ARHGAP19: variants seen among roughly 807,000 people sequenced by gnomAD.
ARHGAP19 encodes Rho GTPase activating protein 19, also known as rho GTPase-activating protein 19.
Under a neutral mutation model 60.9 loss-of-function variants are expected in ARHGAP19, and 48 were observed. That is an observed-to-expected ratio of 0.79 (90% CI 0.62 to 1.00). The LOEUF is 1.00. Ranked by LOEUF, ARHGAP19 falls within the 50% of genes least tolerant of loss-of-function variation. The pLI, the probability that ARHGAP19 is intolerant of heterozygous loss-of-function variation, is 0.00. For synonymous variants in ARHGAP19, 209 were observed against 215.5 expected (o/e 0.97, Z 0.27); for missense variants, 562 against 597.2 (o/e 0.94, Z 0.61).
rs1850879234 is a variant in ARHGAP19 at position 97,225,504 on chromosome 10, G to T, written c.*618C>A. Reference sequence around the variant, plus strand: ...TCACACCCAAGAAATAATAAAAAATGTCCAGAAAAGCTATAAATTCTTTGG... The same window carrying T: ...TCACACCCAAGAAATAATAAAAAATTTCCAGAAAAGCTATAAATTCTTTGG... On this transcript the variant is annotated 3_prime_UTR_variant, in exon 12 of 12. Transcript: ENST00000358531. The T allele has an allele frequency of 6.6e-6, 1 of 152,160 alleles. No individual in the cohort carries two copies. The highest frequency in any genetic ancestry group is 2.4e-5 in the African/African-American group (1 of 41,422). The allele number at this position is 152,160 out of a possible 1,614,324, so 9.4% of individuals were successfully genotyped here.
chr10:97,285,251 G>A (rs1206253041), intron 1 of ARHGAP19, among the ~76,000 whole-genome samples: 5 of 152,092 alleles, frequency 3.3e-5, no homozygotes. Context: ...CAATGCGAAT[G>A]TAGTTAACAT....
chr10:97,259,524 G>A lies in ARHGAP19; in HGVS notation c.718C>T (p.Arg240Cys), dbSNP rs765065175. The A allele has an allele frequency of 1.3e-5, 21 of 1,614,000 alleles. No individual in the cohort carries two copies. Among genetic ancestry groups the A allele is most frequent in the Non-Finnish European group, 1.5e-5 (18 of 1,180,010 alleles). Reference protein sequence around the residue: ...LLFLILPPPNRNLLKLLLDLL... With the variant: ...LLFLILPPPNCNLLKLLLDLL... ...TCAAGCAATAACTTCAGCAAATTACGATTAGGAGGAGGGAGAATGAGGAAG... is the reference window on the plus strand; with the variant it reads ...TCAAGCAATAACTTCAGCAAATTACAATTAGGAGGAGGGAGAATGAGGAAG... The change falls in exon 5 of 12, where the codon CGT (arginine) becomes TGT (cysteine). Residue 240 changes from arginine to cysteine, a missense_variant. Transcript: ENST00000358531.
intron 9 of ARHGAP19, among the ~76,000 whole-genome samples, chr10:97,230,242 T>C (rs528662188): frequency 8.5e-5 from 13 of 152,334 alleles, no homozygotes; most frequent in Admixed American, 8.5e-4. Context: ...CCCAAAGATG[T>C]GCTGTCTCTG....
At chr10:97,291,574 G>C (rs137858075) in intron 1 of ARHGAP19, among the ~76,000 whole-genome samples, 1 of 152,102 alleles carries the variant, frequency 6.6e-6, no homozygotes, top group Admixed American at 6.6e-5. Context: ...GATTACAGGC[G>C]TAAGCCACCA....
At chr10:97,230,342 T>C (rs1176850753) in intron 9 of ARHGAP19, among the ~76,000 whole-genome samples, 1 of 152,180 alleles carries the variant, frequency 6.6e-6, no homozygotes, top group Non-Finnish European at 1.5e-5. Context: ...TCCCTGTCAT[T>C]TACTCACACA....
chr10:97,246,556 T>C (rs1479989621), intron 6 of ARHGAP19, among the ~76,000 whole-genome samples: 6 of 152,158 alleles, frequency 3.9e-5, no homozygotes, highest in Admixed American at 2.0e-4. Flanking sequence ...AAGACACCAA[T>C]GTAGTTGTTG....
At chr10:97,285,518 G>GT (rs1564730133) in intron 1 of ARHGAP19, among the ~76,000 whole-genome samples, 4 of 124,700 alleles carry the variant, frequency 3.2e-5, no homozygotes, top group East Asian at 2.4e-4. Context: ...TTTTTTTTTT[G>GT]CTTTTTTTTT....
chr10:97,291,516 A>T lies in ARHGAP19; in HGVS notation c.56+1056T>A, dbSNP rs150724796. ...ATCATGTTCGCCAGGCTGGTCTCGA[A>T]CTCCTGATCTCAGGTGATCCGCTCC... is the stretch of plus-strand genomic sequence containing the variant. On this transcript the variant is annotated intron_variant, in intron 1 of 11. Transcript: ENST00000358531. 1.3e-3 allele frequency among the ~76,000 whole-genome samples: 204 copies of T among 151,838 alleles called. 1 individual carries two copies. The highest frequency in any genetic ancestry group is 4.7e-3 in the African/African-American group (196 of 41,410).
At position 97,238,519 on chromosome 10, in the gene ARHGAP19, G is replaced by A. The variant is rs1842418884; in HGVS notation, c.1186-3204C>T. On this transcript the variant is annotated intron_variant, in intron 8 of 11. Transcript: ENST00000358531. ...AGGAGTGAGCTACCACGCCCAGCCT[G>A]TGTCTTAATTTTTAATTAAAAAGTA... is the stretch of plus-strand genomic sequence containing the variant. Among the ~76,000 whole-genome samples the A allele has an allele frequency of 2.0e-5, 3 of 152,110 alleles. 1 individual carries two copies. Among genetic ancestry groups the A allele is most frequent in the South Asian group, 4.1e-4 (2 of 4,822 alleles).
chr10:97,225,790 AT>A lies in ARHGAP19; in HGVS notation c.*331del, dbSNP rs35858317. 19 of 258,994 alleles carry A rather than the reference AT, an allele frequency of 7.3e-5. No individual in the cohort carries two copies. Among genetic ancestry groups the A allele is most frequent in the Non-Finnish European group, 1.0e-4 (14 of 137,854 alleles). 16.0% of individuals were successfully genotyped at this position (258,994 alleles called of 1,614,324 possible). On this transcript the variant is annotated 3_prime_UTR_variant, in exon 12 of 12. Coordinates refer to ENST00000358531, the MANE Select transcript of ARHGAP19 (RefSeq NM_032900.6). ...ACTGGCAGTTGAGCACACATTTCAT[AT>A]TTTTTTTCAAAAGTGGAATCTGCCT...
At chr10:97,239,551 G>GTGTGTGTGTGTGT (rs1842440252) in intron 8 of ARHGAP19, among the ~76,000 whole-genome samples, 2 of 20,292 alleles carry the variant, frequency 9.9e-5, no homozygotes, top group African/African-American at 1.4e-4. Flanking sequence ...AGAGAGAGAG[G>GTGTGTGTGTGTGT]GTGTGTGTGT....
At chr10:97,257,356 T>C (rs1185571488) in intron 5 of ARHGAP19, among the ~76,000 whole-genome samples, 6 of 144,820 alleles carry the variant, frequency 4.1e-5, no homozygotes, top group South Asian at 4.6e-4. Context: ...GGTGCAATCA[T>C]AACTCACTGC....
At chr10:97,235,426 G>T (rs931537266) in intron 8 of ARHGAP19, 111 bp from the exon 9 acceptor site, 2 of 904,300 alleles carry the variant, frequency 2.2e-6, no homozygotes, top group Admixed American at 2.5e-5. Context: ...CTGAGTCTGC[G>T]CATAGATGGA....
chr10:97,288,998 T>C (rs1200375546), intron 1 of ARHGAP19, among the ~76,000 whole-genome samples: 6 of 151,532 alleles, frequency 4.0e-5, no homozygotes, highest in South Asian at 4.2e-4. Context: ...TTTGTATTTT[T>C]AGTAGAGACA....
chr10:97,224,689 G>GTGGCC lies in ARHGAP19; in HGVS notation c.*1428_*1432dup, dbSNP rs1265378127. ...TTTGTGGGGCAACTGCTTCCCCATA[G>GTGGCC]TGGCCTGACTCGGCTCCAACCCACA... On this transcript the variant is annotated 3_prime_UTR_variant, in exon 12 of 12. Transcript: ENST00000358531. 5 of 152,264 alleles carry GTGGCC rather than the reference G, an allele frequency of 3.3e-5. No homozygotes were observed. Among genetic ancestry groups the GTGGCC allele is most frequent in the Non-Finnish European group, 7.3e-5 (5 of 68,078 alleles). 9.4% of individuals were successfully genotyped at this position (152,264 alleles called of 1,614,324 possible).
At chr10:97,282,823 A>T (rs753734194) in intron 1 of ARHGAP19, among the ~76,000 whole-genome samples, 1 of 145,468 alleles carries the variant, frequency 6.9e-6, no homozygotes, top group African/African-American at 2.5e-5. Flanking sequence ...TTAAAGTACT[A>T]TGTAGTTTCT....
At chr10:97,236,100 C>T (rs1369910988) in intron 8 of ARHGAP19, among the ~76,000 whole-genome samples, 2 of 151,984 alleles carry the variant, frequency 1.3e-5, no homozygotes, top group African/African-American at 2.4e-5. Context: ...CTCAGCCTGG[C>T]GAGTAGCTGG....
Position 97,266,018 on chromosome 10 carries a change from T to A in ARHGAP19, c.164A>T (p.Glu55Val). The change falls in exon 2 of 12, where the codon GAG becomes GTG. Residue 55 changes from glutamate (E) to valine (V), a missense_variant. Coordinates refer to ENST00000358531, the MANE Select transcript of ARHGAP19 (RefSeq NM_032900.6). ...GCTGACCACCAACTCAGTGAAAATC[T>A]CAGGTTTCTCATGTCGGAGTTTCTC... Reference protein sequence around the residue: ...FVEKLRHEKPEIFTELVVSNI... With the variant: ...FVEKLRHEKPVIFTELVVSNI... 6.2e-7 allele frequency: 1 copy of A among 1,614,164 alleles called. No individual in the cohort carries two copies. Among genetic ancestry groups the A allele is most frequent in the South Asian group, 1.1e-5 (1 of 91,080 alleles).
intron 7 of ARHGAP19, among the ~76,000 whole-genome samples, chr10:97,245,646 T>TAA (rs1842553478): frequency 6.7e-6 from 1 of 149,970 alleles, no homozygotes; most frequent in Admixed American, 6.7e-5. Context: ...ATCTTGTGAA[T>TAA]AAGCATTATA....
Sources: gnomAD v4.1 joint callset for allele counts (sites outside exome capture counted in the v4.1 genomes callset) on GRCh38, gnomAD v4.1.1 for gene constraint, MANE v1.5 for transcripts, NCBI Gene and HGNC (gene_info 2026-07-23, HGNC 2026-07-21) for gene names.